IGF1R: variants seen among roughly 807,000 people sequenced by gnomAD.
IGF1R encodes insulin like growth factor 1 receptor, also known as insulin-like growth factor 1 receptor.
In IGF1R, 44 loss-of-function variants were observed where a neutral mutation model predicts 144.6. The observed-to-expected ratio is 0.30, with a 90% CI of 0.24 to 0.39. The LOEUF is 0.39. Among genes scored for constraint, IGF1R ranks in the 10% least tolerant of loss-of-function variants. IGF1R has a pLI of 1.00. For missense variants in IGF1R, 1,355 were observed against 1,833.7 expected (o/e 0.74, Z 4.77); for synonymous variants, 795 against 722.8 (o/e 1.10, Z -1.60).
chr15:98,932,305 A>G (rs1256787870), intron 15 of IGF1R, among the ~76,000 whole-genome samples: 4 of 152,230 alleles, frequency 2.6e-5, no homozygotes, highest in Non-Finnish European at 4.4e-5. Context: ...TCGAGGGGCA[A>G]CAAAATGACA....
chr15:98,932,122 A>T (rs991848862), intron 15 of IGF1R, among the ~76,000 whole-genome samples: 1 of 152,210 alleles, frequency 6.6e-6, no homozygotes, highest in African/African-American at 2.4e-5. Context: ...CAGGGCTCTC[A>T]TGGTGACTTG....
intron 2 of IGF1R, among the ~76,000 whole-genome samples, 200 bp downstream of exon 2, chr15:98,708,307 G>A (rs1206273151): frequency 6.6e-6 from 1 of 152,196 alleles, no homozygotes; most frequent in Admixed American, 6.5e-5. Flanking sequence ...GGGACTCTTG[G>A]ATTGCGGGAC....
At chr15:98,847,273 G>A (rs1478981813) in intron 2 of IGF1R, among the ~76,000 whole-genome samples, 1 of 152,160 alleles carries the variant, frequency 6.6e-6, no homozygotes, top group Non-Finnish European at 1.5e-5. Context: ...ACCTTGCCCG[G>A]CTACCGGACA....
intron 17 of IGF1R, 99 bp from the exon 18 acceptor site, chr15:98,939,102 G>A (rs2016267868): frequency 3.1e-6 from 3 of 968,506 alleles, no homozygotes; most frequent in Non-Finnish European, 4.9e-6. Flanking sequence ...AACCCACGGT[G>A]CCCAGATTGA....
At chr15:98,780,171 A>G (rs188826430) in intron 2 of IGF1R, among the ~76,000 whole-genome samples, 1 of 151,806 alleles carries the variant, frequency 6.6e-6, no homozygotes, top group African/African-American at 2.4e-5. Context: ...TAAATAAAAT[A>G]AAAAAAGAAA....
Position 98,915,995 on chromosome 15 carries a change from A to G in IGF1R, c.1860A>G (p.Ala620=). The G allele has an allele frequency of 1.2e-6, 2 of 1,614,072 alleles. No homozygotes were observed. Among genetic ancestry groups the G allele is most frequent in the Non-Finnish European group, 1.7e-6 (2 of 1,179,982 alleles). The change falls in exon 9 of 21, where the codon GCA becomes GCG. Residue 620 remains alanine (A), a synonymous_variant. Transcript: ENST00000650285. ...CCATTCCCTTGGACGTTCTTTCAGC[A>G]TCGAACTCCTCTTCTCAGTTAATCG... ...VPSIPLDVLS[A]SNSSSQLIVK...
chr15:98,904,103 A>G (rs554130923), intron 5 of IGF1R, among the ~76,000 whole-genome samples: 90 of 143,470 alleles, frequency 6.3e-4, no homozygotes, highest in African/African-American at 2.3e-3. Flanking sequence ...CCCAGGCTGC[A>G]GTGCAGTGGC....
chr15:98,692,912 G>A (rs1039025638), intron 1 of IGF1R, among the ~76,000 whole-genome samples: 3 of 152,150 alleles, frequency 2.0e-5, no homozygotes, highest in African/African-American at 7.2e-5. Context: ...CCTGGGTGGG[G>A]GAGGTATGAG....
chr15:98,925,358 C>T (rs2060443651), intron 13 of IGF1R, among the ~76,000 whole-genome samples: 1 of 152,204 alleles, frequency 6.6e-6, no homozygotes, highest in Non-Finnish European at 1.5e-5. Flanking sequence ...ATAAGCGCAA[C>T]AAGGGCCACA....
chr15:98,692,875 A>G lies in IGF1R; in HGVS notation c.95-14687A>G, dbSNP rs371431733. Among the ~76,000 whole-genome samples the G allele has an allele frequency of 5.8e-4, 88 of 152,206 alleles. 4 individuals are homozygous for G. Among genetic ancestry groups the G allele is most frequent in the African/African-American group, 2.1e-3 (86 of 41,536 alleles). On this transcript the variant is annotated intron_variant, in intron 1 of 20. Coordinates refer to ENST00000650285, the MANE Select transcript of IGF1R (RefSeq NM_000875.5). ...ATAGACGTAGCCACCCCCGCCCTAGATAGTAGGGGCCTCAGGGTGGGGTAA... is the reference window on the plus strand; with the variant it reads ...ATAGACGTAGCCACCCCCGCCCTAGGTAGTAGGGGCCTCAGGGTGGGGTAA...
chr15:98,702,875 T>C lies in IGF1R; in HGVS notation c.95-4687T>C, dbSNP rs2053770319. On this transcript the variant is annotated intron_variant, in intron 1 of 20. Transcript: ENST00000650285. ...TTGCTTGAGCCCAGGAGGTCGAGGC[T>C]GCATTGAGCCACGATTGTGCTGCAG... 3.3e-5 allele frequency among the ~76,000 whole-genome samples: 5 copies of C among 152,302 alleles called. 1 individual carries two copies. The South Asian group carries it at 1.0e-3, about 32-fold the overall frequency.
intron 2 of IGF1R, among the ~76,000 whole-genome samples, chr15:98,877,388 G>A (rs536831730): frequency 6.6e-6 from 1 of 151,440 alleles, no homozygotes; most frequent in East Asian, 2.0e-4. Context: ...CAAGAGATGT[G>A]TGAAAAAGAT....
intron 2 of IGF1R, among the ~76,000 whole-genome samples, chr15:98,834,725 A>G (rs1362934697): frequency 6.6e-6 from 1 of 152,174 alleles, no homozygotes; most frequent in African/African-American, 2.4e-5. Context: ...CAGTAGGCTC[A>G]AGCATTGAGG....
rs539520814 is a variant in IGF1R, at chr15:98,952,980, T to TA, written c.3723-4080dup. ...GTCCTTCTGAGTTTACTGATGAGCT[T>TA]ACCTGAGAAAGGAGGGTTCTAGCAT... On this transcript the variant is annotated intron_variant, in intron 20 of 20. Transcript: ENST00000650285. 2.3e-3 allele frequency: 355 copies of TA among 152,322 alleles called. 5 individuals are homozygous for TA. The highest frequency in any genetic ancestry group is 7.3e-3 in the African/African-American group (303 of 41,572). 9.4% of individuals were successfully genotyped at this position (152,322 alleles called of 1,614,324 possible). A position where few individuals can be genotyped will look rare whatever the true frequency, so the allele number is the denominator to read the frequency against.
rs1057295949 is a variant in IGF1R at position 98,648,893 on chromosome 15, C to T, written c.-689C>T. The T allele has an allele frequency of 1.1e-4, 16 of 147,168 alleles. No individual in the cohort carries two copies. Among genetic ancestry groups the T allele is most frequent in the African/African-American group, 3.5e-4 (14 of 40,290 alleles). 9.1% of individuals were successfully genotyped at this position (147,168 alleles called of 1,614,324 possible). ...GCGGGGGCCGGCGCGGGGCGGGCGG[C>T]GGCGCAGAGCCGGGCGGCGCGGCGG... On this transcript the variant is annotated 5_prime_UTR_variant, in exon 1 of 21. Transcript: ENST00000650285.
At chr15:98,656,682 G>A (rs568234046) in intron 1 of IGF1R, among the ~76,000 whole-genome samples, 1 of 152,146 alleles carries the variant, frequency 6.6e-6, no homozygotes, top group Non-Finnish European at 1.5e-5. Context: ...TTGCGGGGAG[G>A]AGTTTGAAAC....
intron 2 of IGF1R, among the ~76,000 whole-genome samples, chr15:98,721,491 A>G (rs531738079): frequency 1.3e-5 from 2 of 152,300 alleles, no homozygotes; most frequent in Admixed American, 6.5e-5. Context: ...TGGTCCTCAT[A>G]GTTCTCTTGG....
intron 1 of IGF1R, among the ~76,000 whole-genome samples, chr15:98,687,043 C>T (rs544491567): frequency 6.6e-6 from 1 of 151,922 alleles, no homozygotes; most frequent in Non-Finnish European, 1.5e-5. Context: ...TGTGAAAAAA[C>T]CTAAAGGTTT....
intron 1 of IGF1R, among the ~76,000 whole-genome samples, chr15:98,701,527 A>T (rs2053733338): frequency 6.6e-6 from 1 of 151,728 alleles, no homozygotes. Flanking sequence ...TTTTTAGTAG[A>T]GATGGGGTTT....
Sources: allele counts gnomAD v4.1 joint callset (sites outside exome capture counted in the v4.1 genomes callset), GRCh38; gene constraint gnomAD v4.1.1; transcripts MANE v1.5; gene names NCBI Gene and HGNC (gene_info 2026-07-23, HGNC 2026-07-21).